Variants in TAMM41 observed in about 807,000 individuals in gnomAD.
TAMM41 encodes the protein TAM41 mitochondrial translocator assembly and maintenance homolog.
In TAMM41, 36 loss-of-function variants were observed where a neutral mutation model predicts 44.1. The observed-to-expected ratio is 0.82, with a 90% CI of 0.63 to 1.08. The LOEUF is 1.08. TAMM41 is among the 50% of genes least tolerant of loss of function. The pLI, the probability that TAMM41 is intolerant of heterozygous loss-of-function variation, is 0.00. For synonymous variants in TAMM41, 164 were observed against 153.1 expected, an observed-to-expected ratio of 1.07 and a Z score of -0.53; for missense variants, 417 against 404.3, an observed-to-expected ratio of 1.03 and a Z score of -0.27.
the TAMM41 span, among the ~76,000 whole-genome samples, chr3:11,780,087 T>C: frequency 6.6e-6 from 1 of 152,190 alleles, no homozygotes; most frequent in African/African-American, 2.4e-5. Flanking sequence ...CTATTCTCCA[T>C]AGTGCAGCCA....
the TAMM41 span, among the ~76,000 whole-genome samples, chr3:11,738,573 A>G: frequency 6.6e-6 from 1 of 152,070 alleles, no homozygotes; most frequent in South Asian, 2.1e-4. Context: ...GTACCCACCG[A>G]CCTTTTAGGG....
At chr3:11,812,008 A>T (rs1559284561) in intron 5 of TAMM41, among the ~76,000 whole-genome samples, 1 of 152,070 alleles carries the variant, frequency 6.6e-6, no homozygotes, top group Non-Finnish European at 1.5e-5. Context: ...GCTCGCTGCA[A>T]CCTCCATCTC....
intron 3 of TAMM41, among the ~76,000 whole-genome samples, chr3:11,834,775 C>T (rs1377756783): frequency 6.6e-6 from 1 of 152,158 alleles, no homozygotes; most frequent in Non-Finnish European, 1.5e-5. Context: ...CAACCTCCAC[C>T]TCCTGGGTTC....
At chr3:11,726,321 T>G in the TAMM41 span, among the ~76,000 whole-genome samples, 1 of 152,238 alleles carries the variant, frequency 6.6e-6, no homozygotes, top group Non-Finnish European at 1.5e-5. Context: ...ATTCTATACC[T>G]CTGCATATTC....
intron 3 of TAMM41, among the ~76,000 whole-genome samples, chr3:11,839,019 GA>G (rs1173843491): frequency 6.6e-6 from 1 of 152,006 alleles, no homozygotes; most frequent in Non-Finnish European, 1.5e-5. Flanking sequence ...GGAGCCCAAG[GA>G]AAAAAACCAA....
chr3:11,845,173 G>C, intron 1 of TAMM41: 1 of 357,582 alleles, frequency 2.8e-6, no homozygotes, highest in Non-Finnish European at 5.5e-6. Flanking sequence ...AAATTTTCCT[G>C]CAGAAGAGCT....
chr3:11,725,457 T>C, the TAMM41 span, among the ~76,000 whole-genome samples: 177 of 103,706 alleles, frequency 1.7e-3, 1 homozygote, highest in African/African-American at 5.4e-3. Flanking sequence ...TCCTCCTCCT[T>C]CTTCTTCTTC....
downstream of TAMM41, among the ~76,000 whole-genome samples, chr3:11,789,602 C>T (rs2077439585): frequency 1.3e-5 from 2 of 152,188 alleles, no homozygotes; most frequent in Admixed American, 1.3e-4. Flanking sequence ...AGGCCTGAGC[C>T]TATCAGCTTA....
chr3:11,755,563 A>G, the TAMM41 span, among the ~76,000 whole-genome samples: 5 of 152,098 alleles, frequency 3.3e-5, no homozygotes, highest in Non-Finnish European at 5.9e-5. Flanking sequence ...GCTGCCGAGC[A>G]CTCTGAACAT....
At chr3:11,784,812 T>C in the TAMM41 span, among the ~76,000 whole-genome samples, 1 of 149,130 alleles carries the variant, frequency 6.7e-6, no homozygotes, top group Admixed American at 6.7e-5. Flanking sequence ...TTTTTTTTTT[T>C]TTTTTGAGGA....
the TAMM41 span, among the ~76,000 whole-genome samples, chr3:11,759,197 G>T: frequency 9.9e-5 from 15 of 151,952 alleles, no homozygotes; most frequent in African/African-American, 3.6e-4. Context: ...ATTTGTCAGA[G>T]ACCCACCTGC....
In TAMM41 at chr3:11,806,925, T is replaced by TAAAA. The variant is rs1263895249; in HGVS notation, c.937+907_937+908insTTTT. ...AACAATCCTAGAAGTAAAAGATAAA[T>TAAAA]GCAGCAATGATCTCAAAATTTTAAA... On this transcript the variant is annotated intron_variant, in intron 7 of 7. Coordinates refer to ENST00000455809, the MANE Select transcript of TAMM41 (RefSeq NM_001284401.2). Among the ~76,000 whole-genome samples, 66 of 152,292 alleles carry TAAAA rather than the reference T, an allele frequency of 4.3e-4. No individual in the cohort carries two copies. In the East Asian group the frequency reaches 0.012, roughly 28 times the overall value.
the TAMM41 span, among the ~76,000 whole-genome samples, chr3:11,778,950 G>A: frequency 3.9e-4 from 60 of 152,204 alleles, no homozygotes; most frequent in African/African-American, 1.0e-3. Context: ...GCTATGCTAC[G>A]GTTTGGATGT....
the TAMM41 span, among the ~76,000 whole-genome samples, chr3:11,734,289 T>A: frequency 6.6e-6 from 1 of 151,222 alleles, no homozygotes; most frequent in Non-Finnish European, 1.5e-5. Flanking sequence ...GGGGGAGGAG[T>A]AGAATTATCC....
intron 3 of TAMM41, chr3:11,832,859 T>C: frequency 2.6e-6 from 1 of 379,380 alleles, no homozygotes; most frequent in Non-Finnish European, 3.6e-6. Flanking sequence ...AATTCAAAGA[T>C]GCAAAGAAAA....
chr3:11,797,524 G>A lies in TAMM41; in HGVS notation c.938-6943C>T, dbSNP rs956027102. Among the ~76,000 whole-genome samples the A allele has an allele frequency of 2.6e-5, 4 of 151,742 alleles. No individual in the cohort carries two copies. In the South Asian group the frequency reaches 8.3e-4, roughly 31 times the overall value. ...GATGGATTAAAGACTTAATTGCAAA[G>A]CTATAAAAACCCTGGAAGACAACTT... On this transcript the variant is annotated intron_variant, in intron 7 of 7. Transcript: ENST00000455809.
At position 11,846,804 on chromosome 3, in the gene TAMM41, G is replaced by T. The variant is rs1423854863; in HGVS notation, c.-168C>A. On this transcript the variant is annotated 5_prime_UTR_variant, in exon 1 of 8. Coordinates refer to ENST00000455809, the MANE Select transcript of TAMM41 (RefSeq NM_001284401.2). ...TGCAAGCACACGCAAGGATTGGGGCGTTGGGCCACGAAGAGCAGCGGCGAG... is the reference window on the plus strand; with the variant it reads ...TGCAAGCACACGCAAGGATTGGGGCTTTGGGCCACGAAGAGCAGCGGCGAG... 1.8e-5 allele frequency: 15 copies of T among 835,480 alleles called. No homozygotes were observed. Among genetic ancestry groups the T allele is most frequent in the Non-Finnish European group, 2.7e-5 (15 of 545,950 alleles). 51.8% of individuals were successfully genotyped at this position (835,480 alleles called of 1,614,324 possible).
At chr3:11,764,868 C>A in the TAMM41 span, among the ~76,000 whole-genome samples, 1 of 152,156 alleles carries the variant, frequency 6.6e-6, no homozygotes, top group Non-Finnish European at 1.5e-5. Flanking sequence ...CAAACCTTTT[C>A]ATATATAAAA....
At chr3:11,729,546 T>C in the TAMM41 span, among the ~76,000 whole-genome samples, 3 of 37,850 alleles carry the variant, frequency 7.9e-5, no homozygotes, top group African/African-American at 5.3e-4. Flanking sequence ...TTCATTTTTT[T>C]TTTTTTTTTT....
Sources: allele counts gnomAD v4.1 joint callset (sites outside exome capture counted in the v4.1 genomes callset), GRCh38; gene constraint gnomAD v4.1.1; transcripts MANE v1.5; gene names NCBI Gene and HGNC (gene_info 2026-07-23, HGNC 2026-07-21).